Variants in ZFPM2 observed in about 807,000 individuals in gnomAD.
The protein encoded by ZFPM2 is zinc finger protein ZFPM2.
In ZFPM2, 20 loss-of-function variants were observed where a neutral mutation model predicts 98.6. The ratio of observed to expected loss-of-function variants is 0.20; its 90% CI spans 0.14 to 0.29. The LOEUF (loss-of-function observed/expected upper bound fraction) is 0.29, where lower values mean the gene tolerates loss of function less well. Ranked by LOEUF, ZFPM2 falls within the 10% of genes least tolerant of loss-of-function variation. The probability of loss-of-function intolerance (pLI) is 1.00; values close to 1 mark genes in which losing one functional copy is unlikely to be tolerated. For synonymous variants in ZFPM2, 518 were observed against 502.7 expected, an observed-to-expected ratio of 1.03 and a Z score of -0.41; for missense variants, 1,310 against 1,388.6, an observed-to-expected ratio of 0.94 and a Z score of 0.90.
intron 3 of ZFPM2, among the ~76,000 whole-genome samples, chr8:105,499,046 A>C (rs1248038495): frequency 6.6e-6 from 1 of 152,188 alleles, no homozygotes; most frequent in African/African-American, 2.4e-5. Context: ...AGCCAACTCC[A>C]GGAAACATTT....
intron 1 of ZFPM2, among the ~76,000 whole-genome samples, chr8:105,343,069 A>G (rs751064559): frequency 7.9e-5 from 12 of 152,134 alleles, no homozygotes; most frequent in African/African-American, 9.7e-5. Flanking sequence ...AATTAACAAG[A>G]TCAGGTTGCA....
chr8:105,345,730 G>T (rs1812511300), intron 1 of ZFPM2, among the ~76,000 whole-genome samples: 1 of 152,090 alleles, frequency 6.6e-6, no homozygotes. Context: ...ATGTAGTAGA[G>T]AAATTGGGAA....
intron 3 of ZFPM2, among the ~76,000 whole-genome samples, chr8:105,507,202 C>T (rs1586423677): frequency 6.6e-6 from 1 of 152,134 alleles, no homozygotes; most frequent in African/African-American, 2.4e-5. Flanking sequence ...AGAATATCTA[C>T]CTGCATTCGT....
At chr8:105,513,423 A>G (rs574723675) in intron 3 of ZFPM2, among the ~76,000 whole-genome samples, 34 of 152,320 alleles carry the variant, frequency 2.2e-4, no homozygotes, top group African/African-American at 7.2e-4. Flanking sequence ...AGGTCTATAT[A>G]AGGAGCTCAT....
At chr8:105,661,251 A>G (rs1817382895) in intron 5 of ZFPM2, among the ~76,000 whole-genome samples, 1 of 152,222 alleles carries the variant, frequency 6.6e-6, no homozygotes. Flanking sequence ...AAAAATTGTA[A>G]AAGAAAATGA....
intron 5 of ZFPM2, chr8:105,787,187 C>T (rs1461755247): frequency 3.9e-5 from 6 of 152,176 alleles, no homozygotes; most frequent in Non-Finnish European, 7.3e-5. Flanking sequence ...ACACTTTCAT[C>T]GCTCCTCTGA....
At chr8:105,800,920 C>T in intron 7 of ZFPM2, 127 bp from the exon 8 acceptor site, 1 of 864,950 alleles carries the variant, frequency 1.2e-6, no homozygotes, top group East Asian at 2.5e-5. Context: ...CAGTTAATAT[C>T]ACGAATGAAA....
chr8:105,419,638 T>A (rs1811753878), intron 2 of ZFPM2, among the ~76,000 whole-genome samples: 1 of 152,200 alleles, frequency 6.6e-6, no homozygotes, highest in Admixed American at 6.5e-5. Context: ...GTTAATTGTT[T>A]GCAAGGCACT....
rs1458179596 is a variant in ZFPM2 at position 105,580,823 on chromosome 8, C to CTATATA, written c.420+19343_420+19344insATATAT. Among the ~76,000 whole-genome samples the CTATATA allele has an allele frequency of 3.5e-3, 456 of 129,286 alleles. 3 individuals are homozygous for CTATATA. Among genetic ancestry groups the CTATATA allele is most frequent in the African/African-American group, 6.2e-3 (206 of 33,036 alleles). 84.8% of individuals were successfully genotyped at this position (129,286 alleles called of 152,430 possible). A position where few individuals can be genotyped will look rare whatever the true frequency, so the allele number is the denominator to read the frequency against. On this transcript the variant is annotated intron_variant, in intron 4 of 7. Transcript: ENST00000407775. Reference sequence around the variant, plus strand: ...ATTCTCTCTCTCTCTCTCTCTCTCTCTCTCTATATATATATATATATAAAT... The same window carrying CTATATA: ...ATTCTCTCTCTCTCTCTCTCTCTCTCTATATATCTCTATATATATATATATATAAAT...
At chr8:105,629,568 A>G (rs1816719693) in intron 4 of ZFPM2, among the ~76,000 whole-genome samples, 2 of 152,230 alleles carry the variant, frequency 1.3e-5, no homozygotes, top group African/African-American at 4.8e-5. Context: ...CCTGTAGATC[A>G]GAAATATGAG....
At chr8:105,439,198 T>C (rs1812187288) in intron 2 of ZFPM2, among the ~76,000 whole-genome samples, 1 of 152,190 alleles carries the variant, frequency 6.6e-6, no homozygotes, top group Non-Finnish European at 1.5e-5. Flanking sequence ...GAATATAAAA[T>C]AACTTCTCTA....
rs1811538513 is a variant in ZFPM2 at position 105,409,713 on chromosome 8, G to C, written c.41-9431G>C. Reference sequence around the variant, plus strand: ...GGGATAGCATTTGTATTCCAGCACAGTTGTTCTCAAACTTGAGCATACATC... The same window carrying C: ...GGGATAGCATTTGTATTCCAGCACACTTGTTCTCAAACTTGAGCATACATC... On this transcript the variant is annotated intron_variant, in intron 1 of 7. Coordinates refer to ENST00000407775, the MANE Select transcript of ZFPM2 (RefSeq NM_012082.4). Among the ~76,000 whole-genome samples the C allele has an allele frequency of 6.6e-5, 10 of 151,976 alleles. No individual in the cohort carries two copies. The South Asian group carries it at 1.9e-3, about 28-fold the overall frequency.
chr8:105,660,986 A>G (rs560555294), intron 5 of ZFPM2, among the ~76,000 whole-genome samples: 1 of 152,248 alleles, frequency 6.6e-6, no homozygotes, highest in Admixed American at 6.5e-5. Context: ...AATTCACAAC[A>G]CCAGCAGGTG....
intron 1 of ZFPM2, among the ~76,000 whole-genome samples, chr8:105,347,118 G>C (rs1279106489): frequency 6.6e-6 from 1 of 152,050 alleles, no homozygotes; most frequent in East Asian, 1.9e-4. Context: ...AATTTTGAAT[G>C]ATGTAACACC....
chr8:105,484,412 AT>A (rs1368601168), intron 3 of ZFPM2, among the ~76,000 whole-genome samples: 2 of 151,982 alleles, frequency 1.3e-5, no homozygotes, highest in Non-Finnish European at 2.9e-5. Flanking sequence ...TTTATTTCAT[AT>A]TTTCTAATTG....
At chr8:105,671,849 A>C (rs1347938823) in intron 5 of ZFPM2, among the ~76,000 whole-genome samples, 1 of 152,116 alleles carries the variant, frequency 6.6e-6, no homozygotes, top group Non-Finnish European at 1.5e-5. Context: ...GCAAAACTGA[A>C]GCCCAGAGAG....
intron 3 of ZFPM2, among the ~76,000 whole-genome samples, chr8:105,545,669 T>C (rs754710869): frequency 1.7e-4 from 26 of 152,156 alleles, no homozygotes; most frequent in Non-Finnish European, 3.7e-4. Context: ...ACCACATAGA[T>C]AAAGAACTCA....
At chr8:105,533,247 A>G (rs1814334950) in intron 3 of ZFPM2, among the ~76,000 whole-genome samples, 1 of 152,154 alleles carries the variant, frequency 6.6e-6, no homozygotes, top group African/African-American at 2.4e-5. Context: ...ACATATTTCA[A>G]ATGGACTGGC....
rs981898365 is a variant in ZFPM2 at position 105,464,396 on chromosome 8, A to G, written c.301+20015A>G. ...ATAGGATTGGGGGAAAAAGTTTGCA[A>G]TGAATGGTGGATGATACTGCTATTC... is the stretch of plus-strand genomic sequence containing the variant. On this transcript the variant is annotated intron_variant, in intron 3 of 7. Coordinates refer to ENST00000407775, the MANE Select transcript of ZFPM2 (RefSeq NM_012082.4). 3.3e-5 allele frequency among the ~76,000 whole-genome samples: 5 copies of G among 152,210 alleles called. No homozygotes were observed. The East Asian group carries it at 5.8e-4, about 18-fold the overall frequency.
Sources: gnomAD v4.1 joint callset for allele counts (sites outside exome capture counted in the v4.1 genomes callset) on GRCh38, gnomAD v4.1.1 for gene constraint, MANE v1.5 for transcripts, NCBI Gene and HGNC (gene_info 2026-07-23, HGNC 2026-07-21) for gene names.